The following CRKL variants were observed in gnomAD, a reference collection of about 807,000 sequenced individuals.
The protein encoded by CRKL is crk-like protein.
Under a neutral mutation model 23.0 loss-of-function variants are expected in CRKL, and 3 were observed. The observed-to-expected ratio is 0.13, with a 90% CI of 0.06 to 0.34. The LOEUF (loss-of-function observed/expected upper bound fraction) is 0.34. CRKL is among the 10% of genes least tolerant of loss of function. The probability of loss-of-function intolerance (pLI) is 1.00; values close to 1 mark genes in which losing one functional copy is unlikely to be tolerated. For missense variants in CRKL, 256 were observed against 394.5 expected (o/e 0.65, Z 2.97); for synonymous variants, 188 against 160.7 (o/e 1.17, Z -1.28).
intron 1 of CRKL, among the ~76,000 whole-genome samples, chr22:20,919,265 G>A (rs768600396): frequency 1.3e-5 from 2 of 151,950 alleles, no homozygotes; most frequent in Non-Finnish European, 2.9e-5. Flanking sequence ...GATATTTTTT[G>A]GAAAATTTAT....
chr22:20,926,859 C>T (rs1028144243), intron 1 of CRKL, among the ~76,000 whole-genome samples: 2 of 151,970 alleles, frequency 1.3e-5, no homozygotes, highest in Non-Finnish European at 2.9e-5. Context: ...CGCCTGTAAT[C>T]CTAGCACCTT....
chr22:20,948,918 C>A (rs1256269590), intron 2 of CRKL, among the ~76,000 whole-genome samples: 5 of 152,178 alleles, frequency 3.3e-5, no homozygotes, highest in Admixed American at 6.5e-5. Context: ...TAGATTAGTG[C>A]TCTGCTGAAC....
At chr22:20,925,668 A>T (rs1022857627) in intron 1 of CRKL, among the ~76,000 whole-genome samples, 1 of 152,240 alleles carries the variant, frequency 6.6e-6, no homozygotes, top group African/African-American at 2.4e-5. Context: ...GCACATAGCA[A>T]CTCACCTGGA....
intron 1 of CRKL, among the ~76,000 whole-genome samples, chr22:20,930,740 A>AC (rs1921418431): frequency 8.5e-6 from 1 of 117,022 alleles, no homozygotes; most frequent in South Asian, 2.9e-4. Flanking sequence ...TCAGGCAGTG[A>AC]CGTGATCTTG....
At position 20,950,361 on chromosome 22, in the gene CRKL, G is replaced by C. The variant is rs1922224127; in HGVS notation, c.*516G>C. The C allele has an allele frequency of 4.3e-6, 1 of 233,076 alleles. No homozygotes were observed. The highest frequency in any genetic ancestry group is 8.5e-6 in the Non-Finnish European group (1 of 118,110). The allele number at this position is 233,076 out of a possible 1,614,324, so 14.4% of individuals were successfully genotyped here. A position where few individuals can be genotyped will look rare whatever the true frequency, so the allele number is the denominator to read the frequency against. On this transcript the variant is annotated 3_prime_UTR_variant, in exon 3 of 3. Coordinates refer to ENST00000354336, the MANE Select transcript of CRKL (RefSeq NM_005207.4). ...TTTCTTTTGTTTTGGTTTGGTTTTG[G>C]AAAACTAATTAATTAGACTTGTGTG...
chr22:20,917,753 C>A lies in CRKL; in HGVS notation c.-182C>A. The A allele has an allele frequency of 3.2e-6, 2 of 625,616 alleles. No individual in the cohort carries two copies. The highest frequency in any genetic ancestry group is 5.4e-6 in the Non-Finnish European group (2 of 367,772). The allele number at this position is 625,616 out of a possible 1,614,324, so 38.8% of individuals were successfully genotyped here. A position where few individuals can be genotyped will look rare whatever the true frequency, so the allele number is the denominator to read the frequency against. Reference sequence around the variant, plus strand: ...GTGTGGCGGCCCCGGAGCAGGCGGGCGGCGTCGGAGGATGCTGCGGGCCCG... The same window carrying A: ...GTGTGGCGGCCCCGGAGCAGGCGGGAGGCGTCGGAGGATGCTGCGGGCCCG... On this transcript the variant is annotated 5_prime_UTR_variant, in exon 1 of 3. Coordinates refer to ENST00000354336, the MANE Select transcript of CRKL (RefSeq NM_005207.4).
At chr22:20,941,414 CT>C (rs1341598317) in intron 2 of CRKL, among the ~76,000 whole-genome samples, 5 of 151,014 alleles carry the variant, frequency 3.3e-5, no homozygotes, top group African/African-American at 7.3e-5. Flanking sequence ...ACCAAAAGTG[CT>C]TTTTTTCCTT....
At chr22:20,928,456 CA>C (rs1045509968) in intron 1 of CRKL, among the ~76,000 whole-genome samples, 1 of 151,664 alleles carries the variant, frequency 6.6e-6, no homozygotes, top group Admixed American at 6.6e-5. Flanking sequence ...GACGCTATCT[CA>C]AAAAAATTTA....
intron 2 of CRKL, among the ~76,000 whole-genome samples, chr22:20,941,639 G>T (rs1921890104): frequency 1.6e-5 from 2 of 123,180 alleles, no homozygotes; most frequent in South Asian, 5.6e-4. Flanking sequence ...CTGTCACCCA[G>T]GCTGGAGTGC....
In CRKL at chr22:20,934,046, G is replaced by A. The variant is rs769948686; in HGVS notation, c.579G>A (p.Arg193=). The A allele has an allele frequency of 1.2e-6, 2 of 1,614,162 alleles. No homozygotes were observed. The highest frequency in any genetic ancestry group is 2.2e-5 in the South Asian group (2 of 91,080). ...RSSPHGKHGN[R]NSNSYGIPEP... ...CACCACACGGAAAGCATGGAAATAG[G>A]AATTCCAACAGTTATGGGATCCCAG... The change falls in exon 2 of 3, where the codon AGG becomes AGA. Residue 193 remains arginine, a synonymous_variant. Coordinates refer to ENST00000354336, the MANE Select transcript of CRKL (RefSeq NM_005207.4).
chr22:20,926,659 A>T (rs9608541), intron 1 of CRKL, among the ~76,000 whole-genome samples: 4 of 152,300 alleles, frequency 2.6e-5, no homozygotes, highest in African/African-American at 9.6e-5. Context: ...AGATGGGATC[A>T]CCCAGAATGA....
intron 1 of CRKL, among the ~76,000 whole-genome samples, 181 bp downstream of exon 1, chr22:20,918,426 A>G (rs1929769299): frequency 1.6e-5 from 1 of 62,994 alleles, no homozygotes; most frequent in East Asian, 2.7e-4. Flanking sequence ...GGATAAGAGG[A>G]TGCGTTTTTT....
intron 2 of CRKL, among the ~76,000 whole-genome samples, chr22:20,939,580 G>A (rs1310612781): frequency 6.6e-6 from 1 of 151,804 alleles, no homozygotes; most frequent in East Asian, 1.9e-4. Flanking sequence ...GTCTCATGTT[G>A]TATGGCTGTG....
At chr22:20,919,213 G>A (rs1929799325) in intron 1 of CRKL, among the ~76,000 whole-genome samples, 4 of 152,100 alleles carry the variant, frequency 2.6e-5, no homozygotes, top group Non-Finnish European at 5.9e-5. Flanking sequence ...TTTATAGTAC[G>A]TTAATTACAA....
intron 1 of CRKL, among the ~76,000 whole-genome samples, chr22:20,925,443 A>C (rs1223605696): frequency 2.0e-5 from 3 of 152,244 alleles, no homozygotes; most frequent in Non-Finnish European, 4.4e-5. Flanking sequence ...TGGGAGGCAG[A>C]GATGACAGTG....
chr22:20,949,722 C>T lies in CRKL; in HGVS notation c.789C>T (p.Ile263=), dbSNP rs779069642. 9 of 1,612,680 alleles carry T rather than the reference C, an allele frequency of 5.6e-6. No individual in the cohort carries two copies. Among genetic ancestry groups the T allele is most frequent in the Middle Eastern group, 3.3e-4 (2 of 6,058 alleles). ...CTTCATCCATACAGGTTGGTGACAT[C>T]GTGAAAGTCACAAGGATGAATATAA... The part of the protein sequence containing the change: ...KTALALEVGD[I]VKVTRMNING... Residue 263 remains isoleucine (I), a synonymous_variant, in exon 3 of 3, where the codon ATC becomes ATT. Coordinates refer to ENST00000354336, the MANE Select transcript of CRKL (RefSeq NM_005207.4).
rs1922207836 is a variant in CRKL at position 20,950,025 on chromosome 22, CAT to C, written c.*182_*183del. ...AGCGGCTGCCTCCTGATGTTTGTAT[CAT>C]AGTCGTATTGTCAAAGAGTAGCCGA... On this transcript the variant is annotated 3_prime_UTR_variant, in exon 3 of 3. Transcript: ENST00000354336. 3 of 744,264 alleles carry C rather than the reference CAT, an allele frequency of 4.0e-6. No homozygotes were observed. The highest frequency in any genetic ancestry group is 2.1e-6 in the Non-Finnish European group (1 of 482,084). 46.1% of individuals were successfully genotyped at this position (744,264 alleles called of 1,614,324 possible).
chr22:20,939,850 G>T (rs1243032073), intron 2 of CRKL, among the ~76,000 whole-genome samples: 1 of 148,762 alleles, frequency 6.7e-6, no homozygotes, highest in Non-Finnish European at 1.5e-5. Context: ...GTGCAATGGC[G>T]TGATCTCGGC....
chr22:20,936,816 G>A (rs1284604351), intron 2 of CRKL, among the ~76,000 whole-genome samples: 1 of 151,974 alleles, frequency 6.6e-6, no homozygotes, highest in African/African-American at 2.4e-5. Context: ...TCAGGAGGCT[G>A]CCTCCACAGA....
Sources: allele counts gnomAD v4.1 joint callset (sites outside exome capture counted in the v4.1 genomes callset), GRCh38; gene constraint gnomAD v4.1.1; transcripts MANE v1.5; gene names NCBI Gene and HGNC (gene_info 2026-07-23, HGNC 2026-07-21).